Variants in CDH13 observed in about 807,000 individuals in gnomAD.
The protein encoded by CDH13 is cadherin-13.
Under a neutral mutation model 63.8 loss-of-function variants are expected in CDH13, and 24 were observed. The ratio of observed to expected loss-of-function variants is 0.38; its 90% CI spans 0.27 to 0.53. The LOEUF (loss-of-function observed/expected upper bound fraction) is 0.53, where lower values mean the gene tolerates loss of function less well. CDH13 is among the 20% of genes least tolerant of loss of function. CDH13 has a pLI of 0.85. For synonymous variants in CDH13, 503 were observed against 355.3 expected (o/e 1.42, Z -4.67); for missense variants, 1,049 against 903.1 (o/e 1.16, Z -2.07).
chr16:83,630,571 G>C (rs1031258019), intron 8 of CDH13, among the ~76,000 whole-genome samples: 2 of 152,182 alleles, frequency 1.3e-5, no homozygotes, highest in African/African-American at 2.4e-5. Context: ...TAGAGGAATA[G>C]TCACTTATGT....
chr16:83,136,362 T>G (rs1253498314), intron 4 of CDH13, among the ~76,000 whole-genome samples: 2 of 151,304 alleles, frequency 1.3e-5, no homozygotes, highest in Non-Finnish European at 2.9e-5. Flanking sequence ...GGTGTGCGCC[T>G]GTAGTCCCAG....
chr16:83,458,694 C>T (rs1031588107), intron 6 of CDH13, among the ~76,000 whole-genome samples: 2 of 151,276 alleles, frequency 1.3e-5, no homozygotes, highest in Non-Finnish European at 2.9e-5. Context: ...CACCCAGCAA[C>T]AATCTTCTTT....
chr16:83,608,795 A>G (rs1338925089), intron 8 of CDH13, among the ~76,000 whole-genome samples: 1 of 151,886 alleles, frequency 6.6e-6, no homozygotes, highest in Non-Finnish European at 1.5e-5. Context: ...GGCATGAGCC[A>G]CTGTGCCCAG....
intron 1 of CDH13, among the ~76,000 whole-genome samples, chr16:82,759,938 G>A (rs963277675): frequency 2.0e-5 from 3 of 152,022 alleles, no homozygotes; most frequent in Non-Finnish European, 4.4e-5. Flanking sequence ...TATATTTACT[G>A]TAAGTTTTCA....
chr16:83,411,107 C>T (rs1413560171), intron 6 of CDH13, among the ~76,000 whole-genome samples: 2 of 152,216 alleles, frequency 1.3e-5, no homozygotes, highest in Non-Finnish European at 2.9e-5. Flanking sequence ...ATCCTCCAGA[C>T]AGATAGGGTT....
chr16:82,730,494 G>C (rs941570335), intron 1 of CDH13, among the ~76,000 whole-genome samples: 1 of 152,208 alleles, frequency 6.6e-6, no homozygotes, highest in East Asian at 1.9e-4. Flanking sequence ...TAGCCTTCTT[G>C]TATGGGCATG....
At chr16:82,927,691 T>C (rs4782738) in intron 2 of CDH13, among the ~76,000 whole-genome samples, 50,491 of 152,140 alleles carry the variant, frequency 0.33, 10,429 homozygotes, top group Non-Finnish European at 0.47. Flanking sequence ...TCACACTGTA[T>C]TGTCATTGCC....
chr16:82,697,061 G>A (rs1234837505), intron 1 of CDH13, among the ~76,000 whole-genome samples: 1 of 152,116 alleles, frequency 6.6e-6, no homozygotes, highest in African/African-American at 2.4e-5. Context: ...CACCAGTTAT[G>A]TCCCAATTTT....
intron 8 of CDH13, among the ~76,000 whole-genome samples, chr16:83,631,959 C>G (rs1018934946): frequency 2.6e-5 from 4 of 152,156 alleles, no homozygotes; most frequent in African/African-American, 9.7e-5. Context: ...GACAAACTGT[C>G]CATATGACAA....
chr16:82,868,555 C>G (rs945072208), intron 2 of CDH13, among the ~76,000 whole-genome samples: 1 of 152,116 alleles, frequency 6.6e-6, no homozygotes, highest in African/African-American at 2.4e-5. Context: ...ATGGGAAACA[C>G]AAGAAGTAAC....
chr16:82,895,087 G>A (rs1240290720), intron 2 of CDH13, among the ~76,000 whole-genome samples: 1 of 152,110 alleles, frequency 6.6e-6, no homozygotes, highest in Non-Finnish European at 1.5e-5. Context: ...ATTTTAAGGT[G>A]AACAATTCAG....
intron 6 of CDH13, among the ~76,000 whole-genome samples, chr16:83,396,908 C>CGAAG (rs2091895041): frequency 6.6e-6 from 1 of 152,184 alleles, no homozygotes; most frequent in South Asian, 2.1e-4. Flanking sequence ...CAGGTAGCTT[C>CGAAG]TATCATTGTC....
At chr16:83,644,619 A>G (rs1440251106) in intron 8 of CDH13, among the ~76,000 whole-genome samples, 2 of 152,212 alleles carry the variant, frequency 1.3e-5, no homozygotes, top group East Asian at 1.9e-4. Flanking sequence ...TGTATTGCAT[A>G]GATTCCTAGC....
At chr16:82,643,789 C>T (rs1909719980) in intron 1 of CDH13, among the ~76,000 whole-genome samples, 1 of 152,126 alleles carries the variant, frequency 6.6e-6, no homozygotes, top group Non-Finnish European at 1.5e-5. Flanking sequence ...GTTGCCCAGG[C>T]TGGATTGCAG....
At chr16:83,243,328 G>A (rs1160968783) in intron 5 of CDH13, among the ~76,000 whole-genome samples, 2 of 152,234 alleles carry the variant, frequency 1.3e-5, no homozygotes, top group African/African-American at 2.4e-5. Context: ...GGTGGAAGGT[G>A]AGAGGCACAT....
chr16:83,582,476 T>C (rs8056015), intron 7 of CDH13, among the ~76,000 whole-genome samples: 37,456 of 151,900 alleles, frequency 0.25, 5,072 homozygotes, highest in Middle Eastern at 0.31. Flanking sequence ...ATCACACATG[T>C]TTCTAGTAGA....
chr16:82,772,212 A>G (rs1022153299), intron 1 of CDH13, among the ~76,000 whole-genome samples: 5 of 152,148 alleles, frequency 3.3e-5, no homozygotes, highest in African/African-American at 9.7e-5. Context: ...AAATTGGCCA[A>G]CATTACAAAT....
rs1293492904 is a variant in CDH13 at position 83,053,718 on chromosome 16, C to T, written c.366+21500C>T. Among the ~76,000 whole-genome samples, 11 of 152,182 alleles carry T rather than the reference C, an allele frequency of 7.2e-5. No individual in the cohort carries two copies. The South Asian group carries it at 1.0e-3, about 14-fold the overall frequency. Reference sequence around the variant, plus strand: ...AAATAGACTTTAAGGAGAGAAGTATCGCTACAGATAAAGAACGCTATATCA... The same window carrying T: ...AAATAGACTTTAAGGAGAGAAGTATTGCTACAGATAAAGAACGCTATATCA... On this transcript the variant is annotated intron_variant, in intron 3 of 13. Transcript: ENST00000567109.
At chr16:83,742,353 C>T (rs886357987) in intron 10 of CDH13, among the ~76,000 whole-genome samples, 1 of 152,124 alleles carries the variant, frequency 6.6e-6, no homozygotes, top group African/African-American at 2.4e-5. Flanking sequence ...CAGAAGAGGC[C>T]GAGGCTTGGC....
Sources: gnomAD v4.1 joint callset for allele counts (sites outside exome capture counted in the v4.1 genomes callset) on GRCh38, gnomAD v4.1.1 for gene constraint, MANE v1.5 for transcripts, NCBI Gene and HGNC (gene_info 2026-07-23, HGNC 2026-07-21) for gene names.